PTK2: variants seen among roughly 807,000 people sequenced by gnomAD.
PTK2 encodes protein tyrosine kinase 2.
In PTK2, 45 loss-of-function variants were observed where a neutral mutation model predicts 150.1. The ratio of observed to expected loss-of-function variants is 0.30; its 90% CI spans 0.24 to 0.38. The LOEUF (loss-of-function observed/expected upper bound fraction) is 0.38, where lower values mean the gene tolerates loss of function less well. Ranked by LOEUF, PTK2 falls within the 10% of genes least tolerant of loss-of-function variation. The pLI is 1.00. For missense variants in PTK2, 919 were observed against 1,307.3 expected (o/e 0.70, Z 4.58); for synonymous variants, 432 against 449.2 (o/e 0.96, Z 0.48).
At chr8:140,725,583 A>G (rs149898403) in intron 22 of PTK2, among the ~76,000 whole-genome samples, 3,481 of 152,324 alleles carry the variant, frequency 0.023, 177 homozygotes, top group Admixed American at 0.12. Context: ...ATAGCTAGCA[A>G]AAAGGTAATC....
At chr8:140,935,357 CCAGAGGTAAGCACCTATGCCT>C (rs1254639745) in intron 1 of PTK2, among the ~76,000 whole-genome samples, 55 of 152,098 alleles carry the variant, frequency 3.6e-4, no homozygotes, top group African/African-American at 1.3e-3. Flanking sequence ...CACCCCAGGT[CCAGAGGTAAGCACCTATGCCT>C]CAGAGTGACT....
intron 17 of PTK2, chr8:140,750,154 G>C (rs1166067905): frequency 1.3e-5 from 2 of 152,138 alleles, no homozygotes; most frequent in East Asian, 3.9e-4. Context: ...TTCAGGAATA[G>C]GATTAAGGAT....
At chr8:140,979,032 T>C (rs1448572957) in intron 1 of PTK2, among the ~76,000 whole-genome samples, 1 of 146,950 alleles carries the variant, frequency 6.8e-6, no homozygotes, top group Non-Finnish European at 1.5e-5. Flanking sequence ...ACACCCCATG[T>C]TCTCACTCAT....
intron 1 of PTK2, chr8:140,927,292 C>T (rs891630875): frequency 6.6e-6 from 1 of 152,164 alleles, no homozygotes; most frequent in African/African-American, 2.4e-5. Flanking sequence ...TATTTCATCA[C>T]CATCAATTTT....
intron 8 of PTK2, among the ~76,000 whole-genome samples, chr8:140,825,830 T>C (rs2100111454): frequency 6.6e-6 from 1 of 152,260 alleles, no homozygotes; most frequent in Non-Finnish European, 1.5e-5. Flanking sequence ...ATCATCAGAA[T>C]TCTGTAGAAT....
At chr8:140,816,834 C>T (rs751411556) in intron 10 of PTK2, among the ~76,000 whole-genome samples, 12 of 152,196 alleles carry the variant, frequency 7.9e-5, no homozygotes, top group Non-Finnish European at 1.6e-4. Flanking sequence ...ATAGTACTCT[C>T]ACACACTGCC....
At chr8:140,876,212 G>A (rs2100145412) in intron 4 of PTK2, among the ~76,000 whole-genome samples, 1 of 151,962 alleles carries the variant, frequency 6.6e-6, no homozygotes. Flanking sequence ...TTGCATCCGA[G>A]ACCCTCCCCT....
chr8:140,975,723 A>T (rs137992502), intron 1 of PTK2, among the ~76,000 whole-genome samples: 265 of 152,204 alleles, frequency 1.7e-3, no homozygotes, highest in Non-Finnish European at 3.1e-3. Flanking sequence ...AAGTCTGCCG[A>T]CCCCTGAGGT....
chr8:140,798,553 T>C (rs1408597551), intron 12 of PTK2, among the ~76,000 whole-genome samples: 3 of 152,152 alleles, frequency 2.0e-5, no homozygotes, highest in Non-Finnish European at 4.4e-5. Context: ...TGTTTCTCCC[T>C]AGAGAGCAAA....
At chr8:140,967,566 T>C (rs2100185751) in intron 1 of PTK2, among the ~76,000 whole-genome samples, 1 of 151,204 alleles carries the variant, frequency 6.6e-6, no homozygotes, top group African/African-American at 2.4e-5. Context: ...GTTCAAGCAA[T>C]TCTCCTGCCT....
chr8:140,851,618 G>C (rs886065356), intron 5 of PTK2, among the ~76,000 whole-genome samples: 1 of 152,108 alleles, frequency 6.6e-6, no homozygotes, highest in African/African-American at 2.4e-5. Flanking sequence ...CAGTACTTTG[G>C]GAGGCCAAGG....
intron 5 of PTK2, among the ~76,000 whole-genome samples, chr8:140,847,967 T>C (rs2100126665): frequency 6.6e-6 from 1 of 152,180 alleles, no homozygotes; most frequent in South Asian, 2.1e-4. Flanking sequence ...CTGTCTCCCA[T>C]TATCCCTCTG....
chr8:140,732,563 C>T (rs2154376016), intron 22 of PTK2: 2 of 529,262 alleles, frequency 3.8e-6, no homozygotes, highest in Non-Finnish European at 3.9e-6. Context: ...TGGGCAACAC[C>T]GAGGTGAGTA....
At chr8:140,843,610 T>C (rs2100123569) in intron 7 of PTK2, among the ~76,000 whole-genome samples, 1 of 152,200 alleles carries the variant, frequency 6.6e-6, no homozygotes, top group Admixed American at 6.5e-5. Flanking sequence ...CACTCCTTTC[T>C]TGACTTCACA....
At chr8:140,851,217 AT>A (rs1471253382) in intron 5 of PTK2, among the ~76,000 whole-genome samples, 2 of 152,162 alleles carry the variant, frequency 1.3e-5, no homozygotes, top group African/African-American at 4.8e-5. Flanking sequence ...TACTAACTTA[AT>A]TTTTCCTCTT....
chr8:140,668,023 G>A (rs1197224837), intron 30 of PTK2, among the ~76,000 whole-genome samples: 2 of 152,206 alleles, frequency 1.3e-5, no homozygotes, highest in Non-Finnish European at 2.9e-5. Context: ...TATTAAAAGA[G>A]TGTACTGCTT....
At chr8:140,674,908 G>C (rs1465009819) in intron 28 of PTK2, among the ~76,000 whole-genome samples, 1 of 145,438 alleles carries the variant, frequency 6.9e-6, no homozygotes, top group Non-Finnish European at 1.5e-5. Context: ...AAAAAGAAAA[G>C]AAAAGAAAAA....
intron 21 of PTK2, among the ~76,000 whole-genome samples, chr8:140,738,388 G>T (rs1409161995): frequency 1.3e-5 from 2 of 152,106 alleles, no homozygotes; most frequent in South Asian, 4.1e-4. Context: ...TTTGGATAAA[G>T]TAGTTTAAAT....
In PTK2 at chr8:140,669,707, C is replaced by A. The variant is rs1029918878; in HGVS notation, c.2710-1283G>T. Reference sequence around the variant, plus strand: ...TGATAGAGAGAGCTGGACAGACACACAAAGACACGATGTGCTTACCCTCCA... The same window carrying A: ...TGATAGAGAGAGCTGGACAGACACAAAAAGACACGATGTGCTTACCCTCCA... On this transcript the variant is annotated intron_variant, in intron 29 of 31. Coordinates refer to ENST00000522684, the Ensembl canonical transcript of PTK2. 1.3e-6 allele frequency: 2 copies of A among 1,532,906 alleles called. No individual in the cohort carries two copies. The allele number at this position is 1,532,906 out of a possible 1,614,324, so 95.0% of individuals were successfully genotyped here.
Sources: allele counts gnomAD v4.1 joint callset (sites outside exome capture counted in the v4.1 genomes callset), GRCh38; gene constraint gnomAD v4.1.1; transcripts MANE v1.5; gene names NCBI Gene and HGNC (gene_info 2026-07-23, HGNC 2026-07-21).